Variants in HPSE2 observed in about 807,000 individuals in gnomAD.
HPSE2 encodes the protein inactive heparanase-2.
Under a neutral mutation model 60.5 loss-of-function variants are expected in HPSE2, and 38 were observed. The ratio of observed to expected loss-of-function variants is 0.63; its 90% CI spans 0.48 to 0.82. The LOEUF is 0.82. Ranked by LOEUF, HPSE2 falls within the 40% of genes least tolerant of loss-of-function variation. The probability of loss-of-function intolerance (pLI) is 0.00; values close to 1 mark genes in which losing one functional copy is unlikely to be tolerated. For missense variants in HPSE2, 713 were observed against 740.4 expected (o/e 0.96, Z 0.43); for synonymous variants, 295 against 293.2 (o/e 1.01, Z -0.06).
chr10:99,242,775 TC>T, the HPSE2 span, among the ~76,000 whole-genome samples: 1 of 152,178 alleles, frequency 6.6e-6, no homozygotes, highest in Non-Finnish European at 1.5e-5. Flanking sequence ...CCTTGCTGAG[TC>T]CCAATTTCCC....
chr10:98,795,535 G>A (rs529926514), intron 3 of HPSE2, among the ~76,000 whole-genome samples: 1 of 152,316 alleles, frequency 6.6e-6, no homozygotes, highest in East Asian at 1.9e-4. Flanking sequence ...GAGTTTCTTA[G>A]AAAGTCTCAC....
chr10:99,262,781 A>G, the HPSE2 span, among the ~76,000 whole-genome samples: 1 of 152,064 alleles, frequency 6.6e-6, no homozygotes. Flanking sequence ...CCAAATCCAT[A>G]TACTCTCCTA....
chr10:98,634,024 T>C (rs1946432542), intron 7 of HPSE2, among the ~76,000 whole-genome samples: 1 of 152,170 alleles, frequency 6.6e-6, no homozygotes, highest in Non-Finnish European at 1.5e-5. Flanking sequence ...CACTCCTAAA[T>C]AGATACACTG....
At chr10:98,953,273 G>T (rs1202620248) in intron 3 of HPSE2, among the ~76,000 whole-genome samples, 1 of 152,174 alleles carries the variant, frequency 6.6e-6, no homozygotes, top group Admixed American at 6.5e-5. Context: ...CGGTGCAGGG[G>T]TCTTGGGATA....
chr10:98,795,800 G>C (rs1452743132), intron 3 of HPSE2, among the ~76,000 whole-genome samples: 1 of 152,228 alleles, frequency 6.6e-6, no homozygotes, highest in East Asian at 1.9e-4. Flanking sequence ...AGAGCTAAGA[G>C]TAAAGAGGAC....
chr10:98,749,910 T>A (rs896934715), intron 3 of HPSE2, among the ~76,000 whole-genome samples: 11 of 90,266 alleles, frequency 1.2e-4, no homozygotes, highest in East Asian at 2.9e-4. Context: ...TTTATATATT[T>A]TATATATATA....
intron 7 of HPSE2, among the ~76,000 whole-genome samples, chr10:98,635,273 C>A (rs1946467385): frequency 6.6e-6 from 1 of 152,150 alleles, no homozygotes; most frequent in Non-Finnish European, 1.5e-5. Context: ...CTGTTACATA[C>A]TGTTGGTGGG....
chr10:99,272,100 G>C, the HPSE2 span, among the ~76,000 whole-genome samples: 1 of 151,970 alleles, frequency 6.6e-6, no homozygotes, highest in Non-Finnish European at 1.5e-5. Flanking sequence ...GTGAAACCCC[G>C]TCTCTACTAA....
rs536883477 is a variant in HPSE2, at chr10:98,940,205, T to G, written c.611-196149A>C. ...AGCAAGAACAAACACATTCAAAAGC[T>G]AGTAGAAGGCAAGAAATAACTAAAA... On this transcript the variant is annotated intron_variant, in intron 3 of 11. Coordinates refer to ENST00000370552, the MANE Select transcript of HPSE2 (RefSeq NM_021828.5). Among the ~76,000 whole-genome samples, 20 of 143,426 alleles carry G rather than the reference T, an allele frequency of 1.4e-4. 4 individuals carry two copies. The highest frequency in any genetic ancestry group is 5.4e-4 in the African/African-American group (19 of 35,138). The allele number at this position is 143,426 out of a possible 152,430, so 94.1% of individuals were successfully genotyped here.
rs2134177639 is a variant in HPSE2 at position 98,696,584 on chromosome 10, C to T, written c.957-2637G>A. 2.8e-5 allele frequency among the ~76,000 whole-genome samples: 3 copies of T among 106,600 alleles called. 1 individual carries two copies. In the South Asian group the frequency reaches 1.2e-3, roughly 41 times the overall value. 69.9% of individuals were successfully genotyped at this position (106,600 alleles called of 152,430 possible). A position where few individuals can be genotyped will look rare whatever the true frequency, so the allele number is the denominator to read the frequency against. Reference sequence around the variant, plus strand: ...GGAAGATCCCATTTATAAGCCCACACCACTGGGGCGAGGGTCCCAACCATG... The same window carrying T: ...GGAAGATCCCATTTATAAGCCCACATCACTGGGGCGAGGGTCCCAACCATG... On this transcript the variant is annotated intron_variant, in intron 5 of 11. Coordinates refer to ENST00000370552, the MANE Select transcript of HPSE2 (RefSeq NM_021828.5).
intron 2 of HPSE2, among the ~76,000 whole-genome samples, chr10:99,183,249 T>A (rs1248751670): frequency 6.6e-6 from 1 of 152,056 alleles, no homozygotes; most frequent in Non-Finnish European, 1.5e-5. Flanking sequence ...GAGACGGATT[T>A]TCACAAAGAG....
intron 9 of HPSE2, among the ~76,000 whole-genome samples, chr10:98,551,297 T>C (rs925456916): frequency 6.6e-6 from 1 of 152,158 alleles, no homozygotes; most frequent in African/African-American, 2.4e-5. Flanking sequence ...TTAGAGAGGA[T>C]GCATACTTCT....
chr10:99,012,834 G>A lies in HPSE2; in HGVS notation c.610+131404C>T, dbSNP rs117549459. Among the ~76,000 whole-genome samples the A allele has an allele frequency of 7.7e-3, 1,166 of 152,170 alleles. 7 individuals carry two copies. Among genetic ancestry groups the A allele is most frequent in the South Asian group, 0.016 (75 of 4,814 alleles). ...CTTCCTCTCCCTTTGTACTTACCAG[G>A]GGCTACACAATGTCCTGAGAGGATT... On this transcript the variant is annotated intron_variant, in intron 3 of 11. Transcript: ENST00000370552.
intron 3 of HPSE2, among the ~76,000 whole-genome samples, chr10:98,943,088 G>A (rs1313605838): frequency 9.0e-6 from 1 of 110,810 alleles, no homozygotes; most frequent in Admixed American, 1.1e-4. Context: ...TTGTGGGGTG[G>A]GGGGAGGGGG....
At chr10:98,651,728 A>G (rs566370764) in intron 6 of HPSE2, among the ~76,000 whole-genome samples, 1 of 152,022 alleles carries the variant, frequency 6.6e-6, no homozygotes, top group East Asian at 1.9e-4. Context: ...ATCATTTTGA[A>G]GTCATGTTAA....
At chr10:98,629,797 A>G (rs559782924) in intron 7 of HPSE2, among the ~76,000 whole-genome samples, 2 of 152,346 alleles carry the variant, frequency 1.3e-5, no homozygotes, top group East Asian at 3.9e-4. Flanking sequence ...GCTACAAGCA[A>G]CTTGTTTCAG....
chr10:99,191,038 T>C lies in HPSE2; in HGVS notation c.448+41310A>G, dbSNP rs1199359053. ...TCGTGGCCACAGGGAGAGACTCCTC[T>C]GCTTGAAGAAAGGGGAAAGAAGAAG... is the stretch of plus-strand genomic sequence containing the variant. On this transcript the variant is annotated intron_variant, in intron 2 of 11. Coordinates refer to ENST00000370552, the MANE Select transcript of HPSE2 (RefSeq NM_021828.5). Among the ~76,000 whole-genome samples, 4 of 152,092 alleles carry C rather than the reference T, an allele frequency of 2.6e-5. No homozygotes were observed. The East Asian group carries it at 7.7e-4, about 29-fold the overall frequency.
intron 3 of HPSE2, among the ~76,000 whole-genome samples, chr10:99,088,670 T>C (rs1361178025): frequency 1.3e-5 from 2 of 152,222 alleles, no homozygotes; most frequent in African/African-American, 4.8e-5. Context: ...AACATGCATG[T>C]GCAAGTATCT....
chr10:98,721,456 T>TG (rs1308588863), intron 5 of HPSE2, among the ~76,000 whole-genome samples: 4 of 152,010 alleles, frequency 2.6e-5, no homozygotes, highest in Non-Finnish European at 5.9e-5. Context: ...CACCACCCCC[T>TG]GTTGACTATG....
Sources: allele counts gnomAD v4.1 joint callset (sites outside exome capture counted in the v4.1 genomes callset), GRCh38; gene constraint gnomAD v4.1.1; transcripts MANE v1.5; gene names NCBI Gene and HGNC (gene_info 2026-07-23, HGNC 2026-07-21).